Variants in ROBO1 observed in about 807,000 individuals in gnomAD.
The protein encoded by ROBO1 is roundabout guidance receptor 1, also known as roundabout homolog 1.
ROBO1 carries 149 observed loss-of-function variants against 195.9 expected under a neutral mutation model. The observed-to-expected ratio is 0.76, with a 90% CI of 0.67 to 0.87. The LOEUF (loss-of-function observed/expected upper bound fraction) is 0.87. ROBO1 is among the 40% of genes least tolerant of loss of function. ROBO1 has a pLI of 0.00. For synonymous variants in ROBO1, 816 were observed against 733.2 expected (o/e 1.11, Z -1.82); for missense variants, 1,933 against 2,068.3 (o/e 0.93, Z 1.27).
intron 2 of ROBO1, among the ~76,000 whole-genome samples, chr3:79,338,708 A>G (rs906215698): frequency 6.6e-5 from 10 of 151,220 alleles, no homozygotes; most frequent in African/African-American, 9.7e-5. Flanking sequence ...CTCAAATTCT[A>G]AAAAAAAACC....
At chr3:79,659,403 A>G (rs754447731) in intron 1 of ROBO1, among the ~76,000 whole-genome samples, 5 of 152,128 alleles carry the variant, frequency 3.3e-5, no homozygotes, top group Non-Finnish European at 7.4e-5. Flanking sequence ...ATGACTTAAA[A>G]TATAAAAAAG....
intron 3 of ROBO1, among the ~76,000 whole-genome samples, chr3:79,105,907 T>A (rs1173339349): frequency 6.6e-6 from 1 of 151,750 alleles, no homozygotes; most frequent in Non-Finnish European, 1.5e-5. Flanking sequence ...GAATGGATTG[T>A]CTTTGTAAGT....
chr3:79,172,292 T>C (rs1296830808), intron 2 of ROBO1, among the ~76,000 whole-genome samples: 1 of 152,200 alleles, frequency 6.6e-6, no homozygotes, highest in Non-Finnish European at 1.5e-5. Flanking sequence ...CATTGCAGGT[T>C]ATTATGAGTG....
chr3:79,569,933 T>C (rs993356797), intron 2 of ROBO1, among the ~76,000 whole-genome samples: 3 of 151,894 alleles, frequency 2.0e-5, no homozygotes, highest in African/African-American at 7.3e-5. Flanking sequence ...ACCCCATCTC[T>C]ACTAAAAATA....
At chr3:79,426,199 A>C (rs1021826538) in intron 2 of ROBO1, among the ~76,000 whole-genome samples, 2 of 152,188 alleles carry the variant, frequency 1.3e-5, no homozygotes, top group African/African-American at 4.8e-5. Context: ...CCTGATAAAA[A>C]CATTAAACTA....
intron 2 of ROBO1, among the ~76,000 whole-genome samples, chr3:79,376,635 G>A (rs2036395852): frequency 6.6e-6 from 1 of 152,070 alleles, no homozygotes; most frequent in African/African-American, 2.4e-5. Context: ...TGTAAGTTGT[G>A]CCTTTGCTCC....
intron 2 of ROBO1, among the ~76,000 whole-genome samples, chr3:79,499,994 G>T (rs1284012924): frequency 9.2e-5 from 14 of 151,966 alleles, no homozygotes; most frequent in Non-Finnish European, 2.1e-4. Context: ...TTTTACTAGA[G>T]ATGGGGTTAC....
intron 3 of ROBO1, among the ~76,000 whole-genome samples, chr3:78,980,740 C>T (rs2076973588): frequency 6.6e-6 from 1 of 152,048 alleles, no homozygotes; most frequent in African/African-American, 2.4e-5. Context: ...TTCCCCCTTG[C>T]TTTGGTATAT....
intron 2 of ROBO1, among the ~76,000 whole-genome samples, chr3:79,530,915 C>A (rs908371579): frequency 6.6e-6 from 1 of 152,052 alleles, no homozygotes; most frequent in Non-Finnish European, 1.5e-5. Flanking sequence ...AGTCATCTTG[C>A]GGGACGTGAC....
chr3:79,617,379 A>T (rs1944858030), intron 1 of ROBO1, among the ~76,000 whole-genome samples: 1 of 152,172 alleles, frequency 6.6e-6, no homozygotes, highest in African/African-American at 2.4e-5. Context: ...CAGGACATGA[A>T]AAATATAGTG....
chr3:79,020,975 A>AT (rs2078089133), intron 3 of ROBO1, among the ~76,000 whole-genome samples: 1 of 152,194 alleles, frequency 6.6e-6, no homozygotes, highest in South Asian at 2.1e-4. Flanking sequence ...CTAATGGAAG[A>AT]TAAAAATTTA....
At chr3:79,727,359 T>C (rs145127869) in intron 1 of ROBO1, among the ~76,000 whole-genome samples, 7 of 152,072 alleles carry the variant, frequency 4.6e-5, no homozygotes, top group Non-Finnish European at 8.8e-5. Flanking sequence ...TTTGTAGAAT[T>C]TTCAAAAAAA....
intron 1 of ROBO1, among the ~76,000 whole-genome samples, chr3:79,733,180 A>G (rs762987524): frequency 1.4e-4 from 22 of 152,294 alleles, no homozygotes; most frequent in Non-Finnish European, 2.5e-4. Flanking sequence ...CCATTTCACC[A>G]TCACTCATTT....
chr3:79,197,103 A>G (rs970989281), intron 2 of ROBO1, among the ~76,000 whole-genome samples: 8 of 151,788 alleles, frequency 5.3e-5, no homozygotes, highest in Non-Finnish European at 1.0e-4. Flanking sequence ...GATTTGTTAC[A>G]TAGGTATACA....
At chr3:78,725,144 C>T (rs1348075968) in intron 5 of ROBO1, among the ~76,000 whole-genome samples, 1 of 152,086 alleles carries the variant, frequency 6.6e-6, no homozygotes, top group East Asian at 1.9e-4. Flanking sequence ...CCTTACCAGC[C>T]CACAATAGTA....
chr3:79,624,667 C>T (rs959402676), intron 1 of ROBO1, among the ~76,000 whole-genome samples: 1 of 152,126 alleles, frequency 6.6e-6, no homozygotes, highest in Admixed American at 6.5e-5. Context: ...AATAAATATG[C>T]ACCCAATACA....
intron 2 of ROBO1, among the ~76,000 whole-genome samples, chr3:79,209,899 C>A (rs1248234728): frequency 2.6e-5 from 4 of 152,006 alleles, no homozygotes; most frequent in Non-Finnish European, 5.9e-5. Context: ...CCAAAAGTGA[C>A]CAAACTGATT....
intron 3 of ROBO1, among the ~76,000 whole-genome samples, chr3:79,056,872 C>T (rs1233778659): frequency 6.6e-6 from 1 of 152,088 alleles, no homozygotes; most frequent in African/African-American, 2.4e-5. Flanking sequence ...AAAACTCTGT[C>T]TGTTTATCTG....
intron 3 of ROBO1, among the ~76,000 whole-genome samples, chr3:79,082,624 G>A (rs551303311): frequency 6.6e-6 from 1 of 152,274 alleles, no homozygotes; most frequent in African/African-American, 2.4e-5. Context: ...CCTCAAGTGT[G>A]GTTCAAAATC....
Sources: gnomAD v4.1 joint callset for allele counts (sites outside exome capture counted in the v4.1 genomes callset) on GRCh38, gnomAD v4.1.1 for gene constraint, MANE v1.5 for transcripts, NCBI Gene and HGNC (gene_info 2026-07-23, HGNC 2026-07-21) for gene names.